The following FRMD3 variants were observed in gnomAD, a reference collection of about 807,000 sequenced individuals.
The protein encoded by FRMD3 is FERM domain containing 3, also known as FERM domain-containing protein 3.
A neutral mutation model predicts 70.2 loss-of-function variants in FRMD3; 33 were observed. That is an observed-to-expected ratio of 0.47 (90% CI 0.36 to 0.63). The LOEUF is 0.63. FRMD3 is among the 20% of genes least tolerant of loss of function. The pLI, the probability that FRMD3 is intolerant of heterozygous loss-of-function variation, is 0.00. For missense variants in FRMD3, 632 were observed against 711.4 expected, an observed-to-expected ratio of 0.89 and a Z score of 1.27; for synonymous variants, 279 against 255.9, an observed-to-expected ratio of 1.09 and a Z score of -0.86.
chr9:83,509,134 G>C (rs1275935936), intron 1 of FRMD3, among the ~76,000 whole-genome samples: 2 of 151,838 alleles, frequency 1.3e-5, no homozygotes, highest in Non-Finnish European at 2.9e-5. Context: ...CGGAATTTCT[G>C]TGTGTTTTTT....
At chr9:83,351,650 T>C (rs1306818584) in intron 3 of FRMD3, among the ~76,000 whole-genome samples, 2 of 151,688 alleles carry the variant, frequency 1.3e-5, no homozygotes, top group Non-Finnish European at 2.9e-5. Flanking sequence ...TTAATAGAGA[T>C]AGATAGAGAT....
chr9:83,297,893 C>T (rs1176475233), intron 12 of FRMD3: 1 of 466,182 alleles, frequency 2.1e-6, no homozygotes, highest in Non-Finnish European at 4.4e-6. Context: ...CTTCTCCAGG[C>T]TGGCTTAGCC....
chr9:83,339,865 G>T (rs1269465796), intron 5 of FRMD3, among the ~76,000 whole-genome samples: 1 of 152,184 alleles, frequency 6.6e-6, no homozygotes, highest in African/African-American at 2.4e-5. Context: ...CCAGCAGGCG[G>T]CCAACCAGTC....
chr9:83,266,504 T>C (rs2118756103), intron 13 of FRMD3, among the ~76,000 whole-genome samples: 1 of 152,320 alleles, frequency 6.6e-6, no homozygotes, highest in East Asian at 1.9e-4. Flanking sequence ...ATATTTACAA[T>C]GAAAAGGAAA....
Position 83,310,493 on chromosome 9 carries a change from G to T in FRMD3, c.829C>A (p.Gln277Lys). ...EGKTFYVIGT[Q>K]KEKKAMLAFH... ...AAAAAGCAGTATCTGACCTCCTTCTGGGTGCCAATCACATAAAATGTCTTC... is the reference window on the plus strand; with the variant it reads ...AAAAAGCAGTATCTGACCTCCTTCTTGGTGCCAATCACATAAAATGTCTTC... Residue 277 changes from glutamine (Q) to lysine (K), a missense_variant, in exon 9 of 14, where the codon CAG becomes AAG. Physicochemically the swap from Gln to Lys is moderately conservative, Grantham distance 53 (BLOSUM62 1). Around this residue, in one of 3 missense-constraint regions of FRMD3, gnomAD observed 418 missense variants for 442.1 expected, o/e 0.95. Transcript: ENST00000304195. 1 of 1,606,852 alleles carries T rather than the reference G, an allele frequency of 6.2e-7. No homozygotes were observed. Among genetic ancestry groups the T allele is most frequent in the Admixed American group, 1.7e-5 (1 of 58,042 alleles).
the FRMD3 span, among the ~76,000 whole-genome samples, chr9:83,551,508 G>A: frequency 0.011 from 1,744 of 152,142 alleles, 37 homozygotes; most frequent in African/African-American, 0.04. Flanking sequence ...TTGGGGAGAA[G>A]TCCCTCCTCC....
intron 3 of FRMD3, 110 bp downstream of exon 3, chr9:83,372,803 C>CA: frequency 2.0e-6 from 2 of 1,002,096 alleles, no homozygotes; most frequent in East Asian, 2.4e-5. Flanking sequence ...CCCACACCCC[C>CA]CAACACCTCT....
chr9:83,390,810 G>A (rs1051961564), intron 1 of FRMD3, among the ~76,000 whole-genome samples: 1 of 152,182 alleles, frequency 6.6e-6, no homozygotes, highest in African/African-American at 2.4e-5. Flanking sequence ...GAAGAAATTA[G>A]AGGCATTAAG....
chr9:83,458,540 T>C lies in FRMD3; in HGVS notation c.148-68832A>G, dbSNP rs76911022. Among the ~76,000 whole-genome samples, 1,072 of 152,318 alleles carry C rather than the reference T, an allele frequency of 7.0e-3. 12 individuals carry two copies. Among genetic ancestry groups the C allele is most frequent in the African/African-American group, 0.024 (1,009 of 41,570 alleles). ...TGGTACTGGGTATTGCATGTCTAAT[T>C]ACACCTACCATAAAGCCGAAGAGAA... is the stretch of plus-strand genomic sequence containing the variant. On this transcript the variant is annotated intron_variant, in intron 1 of 13. Coordinates refer to ENST00000304195, the MANE Select transcript of FRMD3 (RefSeq NM_174938.6).
At chr9:83,341,340 T>C (rs1823747537) in intron 5 of FRMD3, among the ~76,000 whole-genome samples, 2 of 152,148 alleles carry the variant, frequency 1.3e-5, no homozygotes, top group Admixed American at 6.5e-5. Context: ...AATAGGGCCC[T>C]GATCGTCTGG....
At chr9:83,290,530 G>A (rs1422579543) in intron 13 of FRMD3, 73 bp downstream of exon 13, 1 of 1,558,830 alleles carries the variant, frequency 6.4e-7, no homozygotes, top group Non-Finnish European at 8.8e-7. Flanking sequence ...ATCATATGCA[G>A]AATTGGCGCC....
intron 1 of FRMD3, among the ~76,000 whole-genome samples, chr9:83,520,534 A>T (rs188671729): frequency 5.8e-4 from 88 of 152,306 alleles, no homozygotes; most frequent in South Asian, 2.1e-3. Flanking sequence ...AACTATGTAA[A>T]CAAATTTTAA....
chr9:83,389,049 T>C (rs986717024), intron 2 of FRMD3, among the ~76,000 whole-genome samples: 2 of 149,696 alleles, frequency 1.3e-5, no homozygotes, highest in African/African-American at 2.5e-5. Flanking sequence ...AGGCTCAAGC[T>C]ATTCTGCCCC....
At chr9:83,432,116 C>T (rs1010139695) in intron 1 of FRMD3, among the ~76,000 whole-genome samples, 4 of 152,172 alleles carry the variant, frequency 2.6e-5, no homozygotes, top group African/African-American at 9.7e-5. Context: ...CACTGCCACA[C>T]ACCTGGAAGC....
At chr9:83,272,827 C>T (rs1833630453) in intron 13 of FRMD3, among the ~76,000 whole-genome samples, 1 of 151,858 alleles carries the variant, frequency 6.6e-6, no homozygotes. Context: ...CTCTGCCCGG[C>T]CACGACCCCA....
intron 3 of FRMD3, among the ~76,000 whole-genome samples, chr9:83,364,892 C>A (rs1281869057): frequency 2.0e-5 from 3 of 152,162 alleles, no homozygotes; most frequent in African/African-American, 7.2e-5. Flanking sequence ...TTATCTGCCC[C>A]TTGTATGTAT....
rs1292567872 is a variant in FRMD3, at chr9:83,331,744, T to C, written c.596+3772A>G. 1.2e-5 allele frequency: 8 copies of C among 682,204 alleles called. No individual in the cohort carries two copies. The East Asian group carries it at 1.9e-4, about 16-fold the overall frequency. 42.3% of individuals were successfully genotyped at this position (682,204 alleles called of 1,614,324 possible). A position where few individuals can be genotyped will look rare whatever the true frequency, so the allele number is the denominator to read the frequency against. ...TTCAATTTTGCTGTAAACCTAAACA[T>C]CTCTTTTAAAAAATAAAGTCTATTA... is the stretch of plus-strand genomic sequence containing the variant. On this transcript the variant is annotated intron_variant, in intron 6 of 13. Transcript: ENST00000304195.
chr9:83,437,538 G>A (rs1369521225), intron 1 of FRMD3, among the ~76,000 whole-genome samples: 2 of 152,200 alleles, frequency 1.3e-5, no homozygotes, highest in Non-Finnish European at 2.9e-5. Flanking sequence ...TTGCTCTGAA[G>A]TCTGAGCTTT....
At chr9:83,486,565 C>G (rs1197269460) in intron 1 of FRMD3, among the ~76,000 whole-genome samples, 2 of 152,046 alleles carry the variant, frequency 1.3e-5, no homozygotes. Context: ...TATAAAAATC[C>G]TAGAAGAAAA....
Sources: allele counts gnomAD v4.1 joint callset (sites outside exome capture counted in the v4.1 genomes callset), GRCh38; gene constraint gnomAD v4.1.1; regional missense constraint gnomAD v4.1.1; transcripts MANE v1.5; gene names NCBI Gene and HGNC (gene_info 2026-07-23, HGNC 2026-07-21).